EDARADD: variants seen among roughly 807,000 people sequenced by gnomAD.
The protein encoded by EDARADD is ectodysplasin-A receptor-associated adapter protein.
EDARADD carries 20 observed loss-of-function variants against 25.6 expected under a neutral mutation model. The observed-to-expected ratio is 0.78, with a 90% CI of 0.55 to 1.14. The LOEUF is 1.14. Ranked by LOEUF, EDARADD falls within the 50% of genes most tolerant of loss-of-function variation. EDARADD has a pLI of 0.00. For missense variants in EDARADD, 225 were observed against 270.1 expected (o/e 0.83, Z 1.17); for synonymous variants, 86 against 94.4 (o/e 0.91, Z 0.52).
intron 3 of EDARADD, among the ~76,000 whole-genome samples, chr1:236,371,132 T>A (rs1339386741): frequency 6.6e-6 from 1 of 152,248 alleles, no homozygotes; most frequent in Non-Finnish European, 1.5e-5. Context: ...AACATAGATC[T>A]TGTACATATT....
chr1:236,434,543 T>C (rs1347217565), intron 4 of EDARADD, among the ~76,000 whole-genome samples: 2 of 152,060 alleles, frequency 1.3e-5, no homozygotes, highest in Non-Finnish European at 2.9e-5. Flanking sequence ...CCTGGCCTTT[T>C]TGTGATTTTT....
chr1:236,408,732 G>T (rs942389712), intron 1 of EDARADD, among the ~76,000 whole-genome samples: 1 of 151,580 alleles, frequency 6.6e-6, no homozygotes, highest in African/African-American at 2.4e-5. Flanking sequence ...GGGCTACAGA[G>T]CAAACCCTAT....
intron 4 of EDARADD, among the ~76,000 whole-genome samples, chr1:236,465,243 G>A (rs1295033134): frequency 6.6e-6 from 1 of 152,092 alleles, no homozygotes; most frequent in Non-Finnish European, 1.5e-5. Flanking sequence ...GGTATTTCCT[G>A]TGCTGGTCTT....
At chr1:236,419,873 G>A (rs150334869) in intron 3 of EDARADD, among the ~76,000 whole-genome samples, 114 of 152,262 alleles carry the variant, frequency 7.5e-4, no homozygotes, top group African/African-American at 2.3e-3. Context: ...GCAGCTCAGC[G>A]CATAATAGGT....
upstream of EDARADD, among the ~76,000 whole-genome samples, chr1:236,393,236 G>A (rs561683286): frequency 1.8e-4 from 28 of 152,100 alleles, no homozygotes; most frequent in African/African-American, 6.8e-4. Flanking sequence ...ATTACCAAAT[G>A]CACTATCTCC....
intron 3 of EDARADD, among the ~76,000 whole-genome samples, chr1:236,370,774 G>A (rs1466066261): frequency 6.6e-6 from 1 of 152,222 alleles, no homozygotes; most frequent in East Asian, 1.9e-4. Flanking sequence ...TTTAGGGAGA[G>A]TCAGAAGCTT....
At chr1:236,406,908 T>A (rs941868591) in intron 1 of EDARADD, among the ~76,000 whole-genome samples, 2 of 152,228 alleles carry the variant, frequency 1.3e-5, no homozygotes, top group Non-Finnish European at 2.9e-5. Flanking sequence ...GTATCATTAC[T>A]TGTTGCTTGG....
intron 1 of EDARADD, among the ~76,000 whole-genome samples, chr1:236,403,632 C>G (rs995438880): frequency 2.0e-5 from 3 of 152,156 alleles, no homozygotes; most frequent in African/African-American, 7.2e-5. Context: ...TGGAGGTGCT[C>G]TTTGACCCAT....
chr1:236,430,513 C>G (rs1187013008), intron 4 of EDARADD, among the ~76,000 whole-genome samples: 1 of 152,116 alleles, frequency 6.6e-6, no homozygotes, highest in Non-Finnish European at 1.5e-5. Flanking sequence ...TTGGCTATAT[C>G]AAGTAAATAC....
chr1:236,482,119 A>G, intron 5 of EDARADD, 148 bp from the exon 6 acceptor site: 2 of 981,472 alleles, frequency 2.0e-6, no homozygotes. Flanking sequence ...CATCTCAAAA[A>G]AAAAAAAAAA....
intron 1 of EDARADD, among the ~76,000 whole-genome samples, chr1:236,406,683 T>C (rs1334431436): frequency 6.6e-6 from 1 of 152,224 alleles, no homozygotes; most frequent in Non-Finnish European, 1.5e-5. Flanking sequence ...TAATGTGTCA[T>C]GTTCTCTCTC....
intron 4 of EDARADD, among the ~76,000 whole-genome samples, chr1:236,433,124 C>T (rs774586131): frequency 3.2e-4 from 48 of 151,852 alleles, no homozygotes; most frequent in South Asian, 4.2e-4. Context: ...AAAATAAAAG[C>T]GTTACTTTAA....
At chr1:236,372,599 C>T (rs1558103113) in intron 3 of EDARADD, among the ~76,000 whole-genome samples, 1 of 152,154 alleles carries the variant, frequency 6.6e-6, no homozygotes, top group African/African-American at 2.4e-5. Context: ...GTTAGGTTCC[C>T]TCCACTGCTA....
At chr1:236,415,850 T>C (rs183754717) in intron 3 of EDARADD, among the ~76,000 whole-genome samples, 59 of 151,760 alleles carry the variant, frequency 3.9e-4, no homozygotes, top group African/African-American at 1.4e-3. Context: ...TGGGGTGGAG[T>C]TGGGGACAAT....
In EDARADD at chr1:236,483,966, AC is replaced by A; in HGVS notation, c.*1319del. On this transcript the variant is annotated 3_prime_UTR_variant, in exon 6 of 6. Transcript: ENST00000334232. The stretch of plus-strand genomic sequence containing the variant: ...GGAATTCAAGTTTCTCGACGACCCC[AC>A]CAGGTACATCTCACCTGACTGTCTG... The A allele has an allele frequency of 7.3e-7, 1 of 1,367,282 alleles. No individual in the cohort carries two copies. Among genetic ancestry groups the A allele is most frequent in the Non-Finnish European group, 1.0e-6 (1 of 957,582 alleles). 84.7% of individuals were successfully genotyped at this position (1,367,282 alleles called of 1,614,324 possible).
At chr1:236,417,539 T>C (rs1399137316) in intron 3 of EDARADD, among the ~76,000 whole-genome samples, 1 of 152,212 alleles carries the variant, frequency 6.6e-6, no homozygotes, top group Non-Finnish European at 1.5e-5. Context: ...AATGCAGAAC[T>C]TCCACCTCAA....
rs953977049 is a variant in EDARADD, at chr1:236,397,449, A to G, written c.61+2944A>G. ...AAAGCTACAGGTTCCAGATTTCCCA[A>G]GATGGTGTTCTTAGTCTGCCCAGCC... On this transcript the variant is annotated intron_variant, in intron 1 of 5. Transcript: ENST00000334232. 2.0e-5 allele frequency among the ~76,000 whole-genome samples: 3 copies of G among 152,212 alleles called. No homozygotes were observed. In the East Asian group the frequency reaches 5.8e-4, roughly 29 times the overall value.
chr1:236,379,497 G>T (rs141093334), intron 3 of EDARADD, among the ~76,000 whole-genome samples: 30 of 151,458 alleles, frequency 2.0e-4, no homozygotes, highest in African/African-American at 7.0e-4. Flanking sequence ...TCAGGGTCAG[G>T]GCCAGGTGCA....
chr1:236,369,533 C>G (rs1667151843), intron 3 of EDARADD, among the ~76,000 whole-genome samples: 1 of 152,160 alleles, frequency 6.6e-6, no homozygotes, highest in African/African-American at 2.4e-5. Flanking sequence ...AGAGCCGGTA[C>G]TTATCATAAA....
Sources: gnomAD v4.1 joint callset for allele counts (sites outside exome capture counted in the v4.1 genomes callset) on GRCh38, gnomAD v4.1.1 for gene constraint, MANE v1.5 for transcripts, NCBI Gene and HGNC (gene_info 2026-07-23, HGNC 2026-07-21) for gene names.